CNTNAP2: variants seen among roughly 807,000 people sequenced by gnomAD.
CNTNAP2 encodes contactin associated protein 2, also known as contactin-associated protein-like 2.
A neutral mutation model predicts 155.2 loss-of-function variants in CNTNAP2; 98 were observed. The observed-to-expected ratio is 0.63, with a 90% confidence interval of 0.54 to 0.75. The LOEUF (loss-of-function observed/expected upper bound fraction) is 0.75, where lower values mean the gene tolerates loss of function less well. Ranked by LOEUF, CNTNAP2 falls within the 30% of genes least tolerant of loss-of-function variation. The probability of loss-of-function intolerance (pLI) is 0.00; values close to 1 mark genes in which losing one functional copy is unlikely to be tolerated. For synonymous variants in CNTNAP2, 651 were observed against 631.2 expected (o/e 1.03, Z -0.47); for missense variants, 1,727 against 1,688.1 (o/e 1.02, Z -0.40).
At chr7:146,584,453 A>G (rs1798657064) in intron 1 of CNTNAP2, among the ~76,000 whole-genome samples, 1 of 152,192 alleles carries the variant, frequency 6.6e-6, no homozygotes, top group Non-Finnish European at 1.5e-5. Context: ...TGCTGACATA[A>G]TTTGGAACAT....
At chr7:147,737,934 A>C (rs1176387618) in intron 13 of CNTNAP2, among the ~76,000 whole-genome samples, 1 of 152,172 alleles carries the variant, frequency 6.6e-6, no homozygotes, top group East Asian at 1.9e-4. Flanking sequence ...TCCCTTGGCT[A>C]GAAAGGGAAT....
intron 1 of CNTNAP2, among the ~76,000 whole-genome samples, chr7:146,133,817 C>T (rs1244643756): frequency 6.6e-6 from 1 of 152,214 alleles, no homozygotes; most frequent in South Asian, 2.1e-4. Context: ...GTTACTGTAG[C>T]CTTGTAGTAT....
At chr7:146,202,027 C>T (rs1372905031) in intron 1 of CNTNAP2, among the ~76,000 whole-genome samples, 1 of 152,108 alleles carries the variant, frequency 6.6e-6, no homozygotes, top group Non-Finnish European at 1.5e-5. Flanking sequence ...GATGACAATC[C>T]TGATGGTGGT....
Position 148,229,497 on chromosome 7 carries a change from C to A in CNTNAP2, c.3248-149C>A, listed in dbSNP as rs928203024. The A allele has an allele frequency of 3.8e-6, 4 of 1,051,468 alleles. No homozygotes were observed. In the African/African-American group the frequency reaches 6.4e-5, roughly 17 times the overall value. 65.1% of individuals were successfully genotyped at this position (1,051,468 alleles called of 1,614,324 possible). A position where few individuals can be genotyped will look rare whatever the true frequency, so the allele number is the denominator to read the frequency against. ...CCAAGATCGCACCATTGCACTCCAG[C>A]CTGGGCAAGAGCAAGACTCCGTCAA... is the stretch of plus-strand genomic sequence containing the variant. On this transcript the variant is annotated intron_variant, in intron 19 of 23. Transcript: ENST00000361727.
chr7:148,051,347 T>C (rs2116494837), intron 15 of CNTNAP2, among the ~76,000 whole-genome samples: 1 of 152,126 alleles, frequency 6.6e-6, no homozygotes, highest in East Asian at 1.9e-4. Flanking sequence ...ATTTATGTCC[T>C]GGCGGGAGTT....
chr7:146,717,348 TAAA>T (rs35996896), intron 1 of CNTNAP2, among the ~76,000 whole-genome samples: 22 of 119,346 alleles, frequency 1.8e-4, no homozygotes, highest in African/African-American at 3.9e-4. Flanking sequence ...ACTAAAAAAT[TAAA>T]AAAAAAAAAA....
At chr7:148,056,597 A>G (rs1803014942) in intron 15 of CNTNAP2, 1 of 152,240 alleles carries the variant, frequency 6.6e-6, no homozygotes, top group Non-Finnish European at 1.5e-5. Context: ...TTGTTGCAAC[A>G]TGCTCACTGA....
chr7:147,196,676 A>G (rs548348678), intron 8 of CNTNAP2, among the ~76,000 whole-genome samples: 1 of 152,212 alleles, frequency 6.6e-6, no homozygotes, highest in Non-Finnish European at 1.5e-5. Context: ...AGAACTGGTC[A>G]TCTGGAACCA....
chr7:148,176,919 G>T (rs904425878), intron 18 of CNTNAP2, among the ~76,000 whole-genome samples: 6 of 152,190 alleles, frequency 3.9e-5, no homozygotes, highest in South Asian at 2.1e-4. Context: ...TCATGCCAAA[G>T]ATAGTTTTCT....
intron 21 of CNTNAP2, chr7:148,339,746 G>C (rs907847813): frequency 1.3e-5 from 2 of 152,336 alleles, no homozygotes; most frequent in African/African-American, 4.8e-5. Context: ...AGAGCGTCCG[G>C]GTGATGAGCG....
In CNTNAP2 at chr7:148,419,998, GACTT is replaced by G. The variant is rs1187405260; in HGVS notation, c.*4387_*4390del. The G allele has an allele frequency of 6.6e-6, 1 of 152,304 alleles. No homozygotes were observed. The highest frequency in any genetic ancestry group is 1.9e-4 in the East Asian group (1 of 5,184). The allele number at this position is 152,304 out of a possible 1,614,324, so 9.4% of individuals were successfully genotyped here. ...CTGAAGTCAACGGAGCCTAGTGAAAGACTTACTTTGTGGCTTGTGGTTGAAAGTC... is the reference window on the plus strand; with the variant it reads ...CTGAAGTCAACGGAGCCTAGTGAAAGACTTTGTGGCTTGTGGTTGAAAGTC... On this transcript the variant is annotated 3_prime_UTR_variant, in exon 24 of 24. Transcript: ENST00000361727.
intron 2 of CNTNAP2, among the ~76,000 whole-genome samples, chr7:146,812,535 G>A (rs752306823): frequency 4.6e-5 from 7 of 151,228 alleles, no homozygotes; most frequent in Non-Finnish European, 7.4e-5. Context: ...GTGCCATGTT[G>A]GTGTGCTGCA....
rs371287744 is a variant in CNTNAP2 at position 148,217,239 on chromosome 7, G to A, written c.3011-49G>A. On this transcript the variant is annotated intron_variant, in intron 18 of 23. Coordinates refer to ENST00000361727, the MANE Select transcript of CNTNAP2 (RefSeq NM_014141.6). ...GCTGGAGAGGTCATTGTAGGGTATC[G>A]GCATCAGACCTCTCCTCATTTTTCA... 4.4e-5 allele frequency: 70 copies of A among 1,578,340 alleles called. No homozygotes were observed. In the East Asian group the frequency reaches 5.1e-4, roughly 12 times the overall value.
chr7:146,151,238 T>G (rs1798032681), intron 1 of CNTNAP2, among the ~76,000 whole-genome samples: 1 of 152,066 alleles, frequency 6.6e-6, no homozygotes, highest in Non-Finnish European at 1.5e-5. Context: ...CCTAACCATA[T>G]CATTCTCTTA....
chr7:148,411,797 C>A (rs1030409008), intron 23 of CNTNAP2, among the ~76,000 whole-genome samples: 13 of 134,400 alleles, frequency 9.7e-5, no homozygotes, highest in African/African-American at 1.4e-4. Context: ...AAAAAAAAAA[C>A]TATACTTTTC....
chr7:146,624,924 T>C (rs1229136940), intron 1 of CNTNAP2, among the ~76,000 whole-genome samples: 1 of 151,984 alleles, frequency 6.6e-6, no homozygotes, highest in Non-Finnish European at 1.5e-5. Context: ...ATTTTTAACA[T>C]GTTTTCCTCA....
At chr7:147,715,427 G>T (rs1475722641) in intron 13 of CNTNAP2, among the ~76,000 whole-genome samples, 1 of 152,000 alleles carries the variant, frequency 6.6e-6, no homozygotes, top group Non-Finnish European at 1.5e-5. Context: ...TTTCTCTGAT[G>T]ACTAATGATG....
At chr7:147,580,746 G>T (rs1345924968) in intron 12 of CNTNAP2, among the ~76,000 whole-genome samples, 1 of 151,892 alleles carries the variant, frequency 6.6e-6, no homozygotes, top group East Asian at 1.9e-4. Context: ...CTCCTGAGTA[G>T]CTAGGACTAC....
At chr7:147,482,354 A>G (rs1471953058) in intron 10 of CNTNAP2, among the ~76,000 whole-genome samples, 1 of 152,158 alleles carries the variant, frequency 6.6e-6, no homozygotes, top group East Asian at 1.9e-4. Flanking sequence ...CAAGTTGGTT[A>G]GGAAATAAAA....
Sources: allele counts gnomAD v4.1 joint callset (sites outside exome capture counted in the v4.1 genomes callset), GRCh38; gene constraint gnomAD v4.1.1; transcripts MANE v1.5; gene names NCBI Gene and HGNC (gene_info 2026-07-23, HGNC 2026-07-21).